MAP3K13: variants seen among roughly 807,000 people sequenced by gnomAD.
MAP3K13 encodes mitogen-activated protein kinase kinase kinase 13.
A neutral mutation model predicts 104.0 loss-of-function variants in MAP3K13; 52 were observed. The ratio of observed to expected loss-of-function variants is 0.50; its 90% confidence interval spans 0.40 to 0.63. The LOEUF (loss-of-function observed/expected upper bound fraction) is 0.63, where lower values mean the gene tolerates loss of function less well. Ranked by LOEUF, MAP3K13 falls within the 20% of genes least tolerant of loss-of-function variation. The probability of loss-of-function intolerance (pLI) is 0.00; values close to 1 mark genes in which losing one functional copy is unlikely to be tolerated. For missense variants in MAP3K13, 914 were observed against 1,218.5 expected (o/e 0.75, Z 3.72); for synonymous variants, 394 against 442.2 (o/e 0.89, Z 1.37).
At chr3:185,454,535 GATATAT>G (rs199512280) in intron 7 of MAP3K13, among the ~76,000 whole-genome samples, 1 of 97,696 alleles carries the variant, frequency 1.0e-5, no homozygotes, top group Non-Finnish European at 1.8e-5. Context: ...ATATATATGA[GATATAT>G]ATATGATATA....
chr3:185,288,534 T>TGTGTGTGTGTGTG lies in MAP3K13; in HGVS notation c.-86+2891_-86+2892insGTGTGTGTGTGTG, dbSNP rs57631600. The stretch of plus-strand genomic sequence containing the variant: ...AAAAAGAGAATATGTGTGTGTGTGT[T>TGTGTGTGTGTGTG]TGTGTGTATATATATATTCCAGAAA... On this transcript the variant is annotated intron_variant, in intron 2 of 14. Transcript: ENST00000424227. Among the ~76,000 whole-genome samples, 597 of 148,136 alleles carry TGTGTGTGTGTGTG rather than the reference T, an allele frequency of 4.0e-3. 3 individuals are homozygous for TGTGTGTGTGTGTG. The highest frequency in any genetic ancestry group is 0.012 in the African/African-American group (490 of 39,996).
rs1371450815 is a variant in MAP3K13 at position 185,450,558 on chromosome 3, G to A, written c.1169+500G>A. Among the ~76,000 whole-genome samples, 3 of 152,128 alleles carry A rather than the reference G, an allele frequency of 2.0e-5. 1 individual carries two copies. The highest frequency in any genetic ancestry group is 1.5e-5 in the Non-Finnish European group (1 of 68,008). ...GAGATGGGAGGATCACTTGAGGCGA[G>A]GAGTTCAAGAGCAGCTTGGGCAACA... is the stretch of plus-strand genomic sequence containing the variant. On this transcript the variant is annotated intron_variant, in intron 6 of 13. Coordinates refer to ENST00000265026, the MANE Select transcript of MAP3K13 (RefSeq NM_004721.5). The surrounding 1 kb of genome is among the most constrained non-coding windows in gnomAD (Gnocchi z 4.2).
intron 1 of MAP3K13, among the ~76,000 whole-genome samples, chr3:185,404,835 G>T (rs1713022602): frequency 6.6e-6 from 1 of 152,120 alleles, no homozygotes; most frequent in African/African-American, 2.4e-5. Context: ...CCTCGCCTCG[G>T]CCTCCCAAAG....
At chr3:185,292,597 CAT>C in intron 2 of MAP3K13, 1 of 932,110 alleles carries the variant, frequency 1.1e-6, no homozygotes, top group South Asian at 4.9e-5. Context: ...CATGAAAAGA[CAT>C]ATATAAAATG....
chr3:185,430,663 CT>C (rs896759818), intron 2 of MAP3K13, among the ~76,000 whole-genome samples: 2 of 152,016 alleles, frequency 1.3e-5, no homozygotes, highest in African/African-American at 2.4e-5. Context: ...TTCAAAGTAA[CT>C]TTTTTTTCTG....
intron 2 of MAP3K13, chr3:185,292,396 G>A (rs547395268): frequency 6.5e-6 from 1 of 152,768 alleles, no homozygotes; most frequent in African/African-American, 2.4e-5. Flanking sequence ...AAGCTATGTG[G>A]TTTAGAGAAA....
chr3:185,470,183 G>C (rs1223609781), intron 10 of MAP3K13, among the ~76,000 whole-genome samples: 4 of 152,152 alleles, frequency 2.6e-5, no homozygotes, highest in Non-Finnish European at 5.9e-5. Context: ...AAAAAAGTCT[G>C]GGCCCATCAC....
rs1337897716 is a variant in MAP3K13, at chr3:185,483,198, GTTTCATTTTTA to G, written c.*743_*753del. On this transcript the variant is annotated 3_prime_UTR_variant, in exon 14 of 14. Coordinates refer to ENST00000265026, the MANE Select transcript of MAP3K13 (RefSeq NM_004721.5). ...AACAAACCTGTGTATGTGGAAGCTGGTTTCATTTTTAAATGTTTAAGCAGCAGTTGGTAGTG... is the reference window on the plus strand; with the variant it reads ...AACAAACCTGTGTATGTGGAAGCTGGAATGTTTAAGCAGCAGTTGGTAGTG... 2 of 232,884 alleles carry G rather than the reference GTTTCATTTTTA, an allele frequency of 8.6e-6. No individual in the cohort carries two copies. The highest frequency in any genetic ancestry group is 4.4e-5 in the African/African-American group (2 of 45,316). 14.4% of individuals were successfully genotyped at this position (232,884 alleles called of 1,614,324 possible). A position where few individuals can be genotyped will look rare whatever the true frequency, so the allele number is the denominator to read the frequency against.
rs1188921173 is a variant in MAP3K13 at position 185,418,131 on chromosome 3, A to G, written c.-85-10366A>G. 5.6e-6 allele frequency: 9 copies of G among 1,608,064 alleles called. No homozygotes were observed. In the Admixed American group the frequency reaches 1.0e-4, roughly 18 times the overall value. On this transcript the variant is annotated intron_variant, in intron 1 of 13. Coordinates refer to ENST00000265026, the MANE Select transcript of MAP3K13 (RefSeq NM_004721.5). The surrounding 1 kb of genome is among the most constrained non-coding windows in gnomAD (Gnocchi z 4.5). ...GGATGTTTCTGAAGGCCTTGATGAT[A>G]CCATTATCCTCATTATAGATGATGC...
At chr3:185,437,692 A>C in intron 3 of MAP3K13, 62 bp downstream of exon 3, 1 of 1,452,648 alleles carries the variant, frequency 6.9e-7, no homozygotes, top group South Asian at 1.4e-5. Flanking sequence ...ATATATACAC[A>C]CAAGTTTCTG....
At chr3:185,436,501 G>A (rs1364520883) in intron 2 of MAP3K13, among the ~76,000 whole-genome samples, 2 of 152,072 alleles carry the variant, frequency 1.3e-5, no homozygotes, top group Non-Finnish European at 2.9e-5. Flanking sequence ...TATGATTTTA[G>A]GAGAATTTAC....
At chr3:185,438,726 T>C (rs1254038073) in intron 3 of MAP3K13, among the ~76,000 whole-genome samples, 1 of 152,204 alleles carries the variant, frequency 6.6e-6, no homozygotes, top group Non-Finnish European at 1.5e-5. Context: ...CCTGAATCTT[T>C]CCCTTGAGTT....
chr3:185,370,525 C>G (rs1274803947), intron 1 of MAP3K13, among the ~76,000 whole-genome samples: 2 of 152,090 alleles, frequency 1.3e-5, no homozygotes, highest in African/African-American at 4.8e-5. Flanking sequence ...GAAATTTAGC[C>G]TCCATGGCAT....
intron 1 of MAP3K13, among the ~76,000 whole-genome samples, chr3:185,370,289 G>A (rs1319243374): frequency 6.6e-6 from 1 of 152,100 alleles, no homozygotes; most frequent in East Asian, 1.9e-4. Context: ...CCGTCTCCTG[G>A]GTTCAAGCGA....
chr3:185,400,901 G>GTTTTTTTTTTTT (rs1326586136), intron 1 of MAP3K13, among the ~76,000 whole-genome samples: 2 of 58,140 alleles, frequency 3.4e-5, no homozygotes, highest in African/African-American at 7.1e-5. Flanking sequence ...CTGGGTGTTT[G>GTTTTTTTTTTTT]TTTGTTTTTT....
intron 2 of MAP3K13, among the ~76,000 whole-genome samples, chr3:185,323,181 A>G (rs1394449299): frequency 6.6e-6 from 1 of 152,204 alleles, no homozygotes; most frequent in Non-Finnish European, 1.5e-5. Flanking sequence ...ATCTTACATA[A>G]CTATGGCTCA....
At chr3:185,365,976 CTT>C (rs1362210637) in intron 1 of MAP3K13, among the ~76,000 whole-genome samples, 1 of 123,532 alleles carries the variant, frequency 8.1e-6, no homozygotes, top group Non-Finnish European at 1.7e-5. Context: ...TTTCTTTTCT[CTT>C]TTCTTTTTTC....
chr3:185,456,091 G>T (rs183800395), intron 7 of MAP3K13, among the ~76,000 whole-genome samples: 98 of 150,938 alleles, frequency 6.5e-4, no homozygotes, highest in Non-Finnish European at 1.1e-3. Context: ...TACACAGAGA[G>T]ACACTCTGCC....
intron 2 of MAP3K13, among the ~76,000 whole-genome samples, chr3:185,307,612 C>T (rs1348900974): frequency 3.3e-5 from 4 of 122,468 alleles, no homozygotes; most frequent in Non-Finnish European, 6.4e-5. Context: ...GGTGTGATCT[C>T]GGCTCCCTGC....
Sources: gnomAD v4.1 joint callset for allele counts (sites outside exome capture counted in the v4.1 genomes callset) on GRCh38, gnomAD v4.1.1 for gene constraint, Gnocchi (gnomAD v3.1) non-coding constraint, MANE v1.5 for transcripts, NCBI Gene and HGNC (gene_info 2026-07-23, HGNC 2026-07-21) for gene names.